Variants in ARHGAP18 observed in about 807,000 individuals in gnomAD.
The protein encoded by ARHGAP18 is rho GTPase-activating protein 18.
In ARHGAP18, 67 loss-of-function variants were observed where a neutral mutation model predicts 86.2. The ratio of observed to expected loss-of-function variants is 0.78; its 90% CI spans 0.64 to 0.95. ARHGAP18 has a LOEUF of 0.95. Ranked by LOEUF, ARHGAP18 falls within the 40% of genes least tolerant of loss-of-function variation. ARHGAP18 has a pLI of 0.00. For synonymous variants in ARHGAP18, 283 were observed against 280.4 expected, an observed-to-expected ratio of 1.01 and a Z score of -0.09; for missense variants, 691 against 780.4, an observed-to-expected ratio of 0.89 and a Z score of 1.37.
In ARHGAP18 at chr6:129,704,985, G is replaced by T. The variant is rs551096216; in HGVS notation, c.113+5039C>A. On this transcript the variant is annotated intron_variant, in intron 1 of 14. Coordinates refer to ENST00000368149, the MANE Select transcript of ARHGAP18 (RefSeq NM_033515.3). ...CAGACTTACTCTATCTAGGCTTATG[G>T]CTTCTACACTCTCTACCCACTATCT... Among the ~76,000 whole-genome samples the T allele has an allele frequency of 3.9e-5, 6 of 152,144 alleles. No homozygotes were observed. The East Asian group carries it at 1.2e-3, about 29-fold the overall frequency.
intron 1 of ARHGAP18, among the ~76,000 whole-genome samples, chr6:129,675,801 T>C (rs1774222971): frequency 6.6e-6 from 1 of 152,220 alleles, no homozygotes; most frequent in South Asian, 2.1e-4. Flanking sequence ...TATGTCTACC[T>C]GAGCTGTCAA....
intron 1 of ARHGAP18, among the ~76,000 whole-genome samples, chr6:129,646,287 C>G (rs983273749): frequency 6.6e-6 from 1 of 152,102 alleles, no homozygotes; most frequent in African/African-American, 2.4e-5. Flanking sequence ...ATAACAATGG[C>G]CTTGCTTGCT....
rs151053861 is a variant in ARHGAP18, at chr6:129,586,870, A to G, written c.1714-2758T>C. On this transcript the variant is annotated intron_variant, in intron 12 of 14. Transcript: ENST00000368149. ...GTGTACGTTCTACTCCCCCTCCCAAATATCTCTCTGCTAACCATTTTCAAG... is the reference window on the plus strand; with the variant it reads ...GTGTACGTTCTACTCCCCCTCCCAAGTATCTCTCTGCTAACCATTTTCAAG... Among the ~76,000 whole-genome samples the G allele has an allele frequency of 2.7e-3, 403 of 152,038 alleles. 4 individuals carry two copies. The highest frequency in any genetic ancestry group is 9.5e-3 in the African/African-American group (394 of 41,446).
At chr6:129,613,816 A>G (rs1400129608) in intron 7 of ARHGAP18, among the ~76,000 whole-genome samples, 1 of 151,622 alleles carries the variant, frequency 6.6e-6, no homozygotes, top group Admixed American at 6.6e-5. Flanking sequence ...AAAAATAACT[A>G]TATTGACTCA....
chr6:129,688,001 C>G (rs17382437), intron 1 of ARHGAP18, among the ~76,000 whole-genome samples: 4,118 of 152,264 alleles, frequency 0.027, 109 homozygotes, highest in Non-Finnish European at 0.038. Context: ...GTTCAGTAGA[C>G]CCAGTGATCC....
In ARHGAP18 at chr6:129,608,319, T is replaced by A. The variant is rs376130898; in HGVS notation, c.1123-267A>T. Among the ~76,000 whole-genome samples, 431 of 152,216 alleles carry A rather than the reference T, an allele frequency of 2.8e-3. 1 individual carries two copies. The highest frequency in any genetic ancestry group is 9.4e-3 in the African/African-American group (390 of 41,538). On this transcript the variant is annotated intron_variant, in intron 8 of 14. Transcript: ENST00000368149. ...ACTTTTTCCTGGACATTCCACAAAC[T>A]GTAAGTAATAAAGTTTTAATTAAGA...
intron 1 of ARHGAP18, among the ~76,000 whole-genome samples, chr6:129,698,584 C>T (rs898509285): frequency 5.9e-5 from 9 of 151,620 alleles, no homozygotes; most frequent in African/African-American, 2.2e-4. Context: ...GCTCTTTCAC[C>T]CAGGCTGGAG....
At chr6:129,666,897 T>A (rs1349697895) in intron 1 of ARHGAP18, among the ~76,000 whole-genome samples, 1 of 152,222 alleles carries the variant, frequency 6.6e-6, no homozygotes. Flanking sequence ...TATTTCCTAT[T>A]CTTTGTTGAT....
rs147403358 is a variant in ARHGAP18 at position 129,648,383 on chromosome 6, G to A, written c.114-6365C>T. Among the ~76,000 whole-genome samples the A allele has an allele frequency of 3.5e-3, 535 of 151,906 alleles. 3 individuals carry two copies. Among genetic ancestry groups the A allele is most frequent in the African/African-American group, 0.012 (504 of 41,522 alleles). On this transcript the variant is annotated intron_variant, in intron 1 of 14. Transcript: ENST00000368149. ...CTCCTTGTATTGCCAAGGCTGGTCTGGAACTCCTGGCCTCAGGCAATCCTC... is the reference window on the plus strand; with the variant it reads ...CTCCTTGTATTGCCAAGGCTGGTCTAGAACTCCTGGCCTCAGGCAATCCTC...
chr6:129,594,843 AACT>A (rs1788584550), intron 12 of ARHGAP18, among the ~76,000 whole-genome samples: 1 of 152,134 alleles, frequency 6.6e-6, no homozygotes, highest in South Asian at 2.1e-4. Flanking sequence ...CCATTTTAAG[AACT>A]ACATATAAAA....
chr6:129,650,404 A>G (rs1773685138), intron 1 of ARHGAP18, among the ~76,000 whole-genome samples: 1 of 152,146 alleles, frequency 6.6e-6, no homozygotes, highest in South Asian at 2.1e-4. Context: ...TATACGGGAA[A>G]ATAGTAGACT....
At chr6:129,673,456 G>A (rs1337194856) in intron 1 of ARHGAP18, among the ~76,000 whole-genome samples, 1 of 151,940 alleles carries the variant, frequency 6.6e-6, no homozygotes, top group Non-Finnish European at 1.5e-5. Context: ...TTTTAAAAGT[G>A]TTTTTTCTCT....
intron 1 of ARHGAP18, among the ~76,000 whole-genome samples, chr6:129,654,033 A>T (rs1584091848): frequency 6.6e-6 from 1 of 152,200 alleles, no homozygotes; most frequent in Non-Finnish European, 1.5e-5. Context: ...ACAGAGCGAG[A>T]CCCTGTCTGG....
At chr6:129,689,687 A>G (rs552559710) in intron 1 of ARHGAP18, among the ~76,000 whole-genome samples, 1 of 152,312 alleles carries the variant, frequency 6.6e-6, no homozygotes, top group Admixed American at 6.5e-5. Flanking sequence ...CTTAAACATT[A>G]TAGGTTCGCA....
At chr6:129,584,792 A>G (rs1358843896) in intron 12 of ARHGAP18, among the ~76,000 whole-genome samples, 2 of 152,204 alleles carry the variant, frequency 1.3e-5, no homozygotes, top group Non-Finnish European at 2.9e-5. Context: ...GGTTTTGCTA[A>G]AATAAATACT....
chr6:129,677,857 C>T (rs1468351992), intron 1 of ARHGAP18, among the ~76,000 whole-genome samples: 2 of 152,176 alleles, frequency 1.3e-5, no homozygotes, highest in African/African-American at 2.4e-5. Context: ...CCTTTGCTCC[C>T]AAACTTCAGC....
intron 1 of ARHGAP18, among the ~76,000 whole-genome samples, chr6:129,648,031 T>G (rs1251844375): frequency 6.6e-6 from 1 of 152,242 alleles, no homozygotes; most frequent in Non-Finnish European, 1.5e-5. Flanking sequence ...AAGGCAAAAG[T>G]AATCTTGTTG....
intron 1 of ARHGAP18, among the ~76,000 whole-genome samples, chr6:129,665,953 C>A (rs975963572): frequency 6.6e-6 from 1 of 152,128 alleles, no homozygotes. Context: ...CTTTTAATTA[C>A]AAGCTACAGA....
intron 12 of ARHGAP18, among the ~76,000 whole-genome samples, chr6:129,595,876 G>A (rs575789671): frequency 1.3e-5 from 2 of 152,200 alleles, no homozygotes; most frequent in East Asian, 3.9e-4. Flanking sequence ...CCAAAAATCA[G>A]AGTCATTTTT....
Sources: allele counts gnomAD v4.1 joint callset (sites outside exome capture counted in the v4.1 genomes callset), GRCh38; gene constraint gnomAD v4.1.1; transcripts MANE v1.5; gene names NCBI Gene and HGNC (gene_info 2026-07-23, HGNC 2026-07-21).